NBEAL2: variants seen among roughly 807,000 people sequenced by gnomAD.
NBEAL2 encodes neurobeachin-like protein 2.
NBEAL2 carries 160 observed loss-of-function variants against 299.8 expected under a neutral mutation model. The ratio of observed to expected loss-of-function variants is 0.53; its 90% CI spans 0.47 to 0.61. The LOEUF (loss-of-function observed/expected upper bound fraction) is 0.61. NBEAL2 is among the 20% of genes least tolerant of loss of function. The pLI, the probability that NBEAL2 is intolerant of heterozygous loss-of-function variation, is 0.00. For missense variants in NBEAL2, 3,112 were observed against 3,649.0 expected (o/e 0.85, Z 3.79); for synonymous variants, 1,493 against 1,542.3 (o/e 0.97, Z 0.75).
Position 46,996,715 on chromosome 3 carries a change from C to T in NBEAL2, c.2474-36C>T, listed in dbSNP as rs776995024. The T allele has an allele frequency of 5.6e-6, 9 of 1,600,060 alleles. 1 individual carries two copies. Among genetic ancestry groups the T allele is most frequent in the South Asian group, 2.2e-5 (2 of 89,778 alleles). On this transcript the variant is annotated intron_variant, in intron 16 of 53. Coordinates refer to ENST00000450053, the MANE Select transcript of NBEAL2 (RefSeq NM_015175.3). Reference sequence around the variant, plus strand: ...TCTCTGGATGGGGTTTGGCCAGAGGCCTAGCAAGGTCTGAAGCCCCCTGCC... The same window carrying T: ...TCTCTGGATGGGGTTTGGCCAGAGGTCTAGCAAGGTCTGAAGCCCCCTGCC...
chr3:47,009,365 G>T lies in NBEAL2; in HGVS notation c.*45G>T. 6.5e-7 allele frequency: 1 copy of T among 1,529,770 alleles called. No homozygotes were observed. Among genetic ancestry groups the T allele is most frequent in the South Asian group, 1.2e-5 (1 of 83,308 alleles). 94.8% of individuals were successfully genotyped at this position (1,529,770 alleles called of 1,614,324 possible). A position where few individuals can be genotyped will look rare whatever the true frequency, so the allele number is the denominator to read the frequency against. On this transcript the variant is annotated 3_prime_UTR_variant, in exon 54 of 54. Transcript: ENST00000450053. ...TCGGGCCCCGCCCCCGGCAGGCCTGGCCCGGGAGGCCCCGCCCAGAAGTCG... is the reference window on the plus strand; with the variant it reads ...TCGGGCCCCGCCCCCGGCAGGCCTGTCCCGGGAGGCCCCGCCCAGAAGTCG...
In NBEAL2 at chr3:46,997,995, G is replaced by C. The variant is rs1028913787; in HGVS notation, c.2959-72G>C. 16 of 1,474,740 alleles carry C rather than the reference G, an allele frequency of 1.1e-5. No homozygotes were observed. The Admixed American group carries it at 2.4e-4, about 22-fold the overall frequency. 91.4% of individuals were successfully genotyped at this position (1,474,740 alleles called of 1,614,324 possible). A position where few individuals can be genotyped will look rare whatever the true frequency, so the allele number is the denominator to read the frequency against. On this transcript the variant is annotated intron_variant, in intron 20 of 53. Transcript: ENST00000450053. ...GGCCGTCATGGCTGTGCAGGGAAGA[G>C]TGGCAGCTGAAAAGCTCAGACAGCA...
chr3:47,007,288 C>G lies in NBEAL2; in HGVS notation c.7272C>G (p.Pro2424=). The G allele has an allele frequency of 6.2e-7, 1 of 1,612,592 alleles. No individual in the cohort carries two copies. The highest frequency in any genetic ancestry group is 8.5e-7 in the Non-Finnish European group (1 of 1,179,362). The change falls in exon 47 of 54, where the codon CCC becomes CCG. Residue 2424 remains proline (P), a synonymous_variant. Coordinates refer to ENST00000450053, the MANE Select transcript of NBEAL2 (RefSeq NM_015175.3). ...SGLLGTHSWL[P]YDRNISNYFS... ...TGCTGGGCACCCACAGCTGGTTGCC[C>G]TATGACCGCAACATAAGCAACTACT...
rs781016635 is a variant in NBEAL2, at chr3:47,004,426, G to A, written c.6198+33G>A. 50 of 1,593,044 alleles carry A rather than the reference G, an allele frequency of 3.1e-5. No homozygotes were observed. The highest frequency in any genetic ancestry group is 1.8e-4 in the South Asian group (16 of 88,002). Reference sequence around the variant, plus strand: ...CCCTGGGTGTGAGGGATGTGAAGTCGGGACCCTGAATCACGGGGCAGTGCT... The same window carrying A: ...CCCTGGGTGTGAGGGATGTGAAGTCAGGACCCTGAATCACGGGGCAGTGCT... On this transcript the variant is annotated intron_variant, in intron 37 of 53. Transcript: ENST00000450053. This position sits in a 1 kb window ranked among gnomAD's most constrained non-coding sequence, Gnocchi z 5.0.
chr3:46,995,761 C>G lies in NBEAL2; in HGVS notation c.1946C>G (p.Ala649Gly), dbSNP rs2036449857. Residue 649 changes from alanine to glycine, a missense_variant, in exon 14 of 54, where the codon GCC (alanine) becomes GGC (glycine). By Grantham distance (60) the Ala-to-Gly change is moderately conservative (BLOSUM62 0). This residue lies in a region of NBEAL2 where 2,243 missense variants were observed against 2,538.1 expected (regional missense o/e 0.88). Transcript: ENST00000450053. Reference protein sequence around the residue: ...GSGFEAFFTAAGTLVVAVCTR... With the variant: ...GSGFEAFFTAGGTLVVAVCTR... ...GGGTTTGAGGCCTTCTTCACGGCGG[C>G]CGGGACCCTGGTGGTGGCTGTGTGC... 2 of 1,613,682 alleles carry G rather than the reference C, an allele frequency of 1.2e-6. No individual in the cohort carries two copies. Among genetic ancestry groups the G allele is most frequent in the Non-Finnish European group, 1.7e-6 (2 of 1,179,876 alleles).
intron 41 of NBEAL2, 49 bp from the exon 42 acceptor site, chr3:47,005,689 G>GC: frequency 6.2e-7 from 1 of 1,612,964 alleles, no homozygotes; most frequent in Non-Finnish European, 8.5e-7. Context: ...AGTGGCCAGG[G>GC]GGCAGTCGGG....
In NBEAL2 at chr3:47,002,112, G is replaced by A. The variant is rs780821683; in HGVS notation, c.4975G>A (p.Glu1659Lys). 64 of 1,550,888 alleles carry A rather than the reference G, an allele frequency of 4.1e-5. No individual in the cohort carries two copies. Among genetic ancestry groups the A allele is most frequent in the African/African-American group, 5.5e-5 (4 of 73,074 alleles). Residue 1659 changes from glutamate to lysine, a missense_variant, in exon 31 of 54, where the codon GAG becomes AAG. Physicochemically the swap from Glu to Lys is moderately conservative, Grantham distance 56. This residue lies in a region of NBEAL2 where 2,243 missense variants were observed against 2,538.1 expected (regional missense o/e 0.88). Coordinates refer to ENST00000450053, the MANE Select transcript of NBEAL2 (RefSeq NM_015175.3). ...AGCTGCAGCAGCTGCAGCAGCTGCA[G>A]AGCGCTGCTCCTGGCTGGTGCCACT... ...LAAAAAAAAAERCSWLVPLVR... is the reference protein window; with the variant it reads ...LAAAAAAAAAKRCSWLVPLVR...
rs769842468 is a variant in NBEAL2 at position 46,992,523 on chromosome 3, A to G, written c.1081A>G (p.Thr361Ala). 1.9e-5 allele frequency: 30 copies of G among 1,603,552 alleles called. 1 individual carries two copies. In the South Asian group the frequency reaches 3.1e-4, roughly 17 times the overall value. ...APPEGDSDLA[T>A]RLLTEPDVQK... ...CCCCGAGGGGGACAGTGACCTGGCT[A>G]CCCGGTTACTGACTGAGCCCGATGT... The change falls in exon 10 of 54, where the codon ACC becomes GCC. Residue 361 changes from threonine to alanine, a missense_variant. Physicochemically the swap from Thr to Ala is moderately conservative, Grantham distance 58. Coordinates refer to ENST00000450053, the MANE Select transcript of NBEAL2 (RefSeq NM_015175.3).
At chr3:46,990,780 G>T (rs1045409860) in intron 6 of NBEAL2, among the ~76,000 whole-genome samples, 16 of 152,286 alleles carry the variant, frequency 1.1e-4, no homozygotes, top group African/African-American at 3.9e-4. Context: ...GGGGGAGGTG[G>T]CATCAGTATA....
In NBEAL2 at chr3:47,009,128, AG is replaced by A. The variant is rs753364735; in HGVS notation, c.8163+6del. 5.4e-5 allele frequency: 38 copies of A among 703,004 alleles called. No individual in the cohort carries two copies. In the African/African-American group the frequency reaches 7.8e-4, roughly 14 times the overall value. The allele number at this position is 703,004 out of a possible 1,614,324, so 43.5% of individuals were successfully genotyped here. A position where few individuals can be genotyped will look rare whatever the true frequency, so the allele number is the denominator to read the frequency against. On this transcript the variant is annotated splice_donor_5th_base_variant and intron_variant, in intron 53 of 53. Coordinates refer to ENST00000450053, the MANE Select transcript of NBEAL2 (RefSeq NM_015175.3). ...GGTCGCGGGGCAGCCCTCTGAGGTG[AG>A]GATGGGGCGGGGGTGGGGAGGCCCC...
chr3:46,995,535 G>A lies in NBEAL2; in HGVS notation c.1800G>A (p.Gly600=), dbSNP rs2036425796. 1 of 1,612,832 alleles carries A rather than the reference G, an allele frequency of 6.2e-7. No individual in the cohort carries two copies. The highest frequency in any genetic ancestry group is 1.1e-5 in the South Asian group (1 of 91,090). The change falls in exon 13 of 54, where the codon GGG becomes GGA. Residue 600 remains glycine (G), a synonymous_variant. Coordinates refer to ENST00000450053, the MANE Select transcript of NBEAL2 (RefSeq NM_015175.3). ...IMVPPVQRWP[G]PGFTFHAWLC... ...TACCCCCTGTACAGCGATGGCCAGGGCCTGGCTTCACCTTTCATGCCTGGC... is the reference window on the plus strand; with the variant it reads ...TACCCCCTGTACAGCGATGGCCAGGACCTGGCTTCACCTTTCATGCCTGGC...
At chr3:46,980,952 C>T (rs1003757465) in intron 1 of NBEAL2, among the ~76,000 whole-genome samples, 4 of 152,198 alleles carry the variant, frequency 2.6e-5, no homozygotes, top group East Asian at 1.9e-4. Flanking sequence ...TGCTCAGACA[C>T]GCTGGCCCTC....
rs1393820388 is a variant in NBEAL2 at position 47,000,459 on chromosome 3, G to C, written c.4305+55G>C. ...TGGTACCCAAGGGAGGACACTTCTG[G>C]TACACAGGGCTGGCAGTGTAGCCTC... On this transcript the variant is annotated intron_variant, in intron 27 of 53. Transcript: ENST00000450053. This position sits in a 1 kb window ranked among gnomAD's most constrained non-coding sequence, Gnocchi z 4.5. 3 of 1,531,762 alleles carry C rather than the reference G, an allele frequency of 2.0e-6. No homozygotes were observed. The highest frequency in any genetic ancestry group is 2.0e-5 in the Admixed American group (1 of 49,600). 94.9% of individuals were successfully genotyped at this position (1,531,762 alleles called of 1,614,324 possible). A position where few individuals can be genotyped will look rare whatever the true frequency, so the allele number is the denominator to read the frequency against.
Position 47,007,866 on chromosome 3 carries a change from G to C in NBEAL2, c.7558G>C (p.Gly2520Arg), listed in dbSNP as rs1023789585. The stretch of plus-strand genomic sequence containing the variant: ...CACCTGTGGCATCTACCTCATCTCA[G>C]GCTCCCGGGACACCACGTGCATGGT... ...LDTCGIYLIS[G>R]SRDTTCMVWR... Residue 2520 changes from glycine (G) to arginine (R), a missense_variant, in exon 49 of 54, where the codon GGC (glycine) becomes CGC (arginine). Physicochemically the swap from Gly to Arg is moderately radical, Grantham distance 125 (BLOSUM62 -2). Transcript: ENST00000450053. 4 of 1,613,662 alleles carry C rather than the reference G, an allele frequency of 2.5e-6. No homozygotes were observed. The highest frequency in any genetic ancestry group is 3.4e-6 in the Non-Finnish European group (4 of 1,179,818).
Position 47,008,315 on chromosome 3 carries a change from C to G in NBEAL2, c.7752C>G (p.Arg2584=), listed in dbSNP as rs370823987. 3 of 1,613,136 alleles carry G rather than the reference C, an allele frequency of 1.9e-6. No individual in the cohort carries two copies. Among genetic ancestry groups the G allele is most frequent in the Admixed American group, 1.7e-5 (1 of 59,852 alleles). ...DGTVIIHTVR[R]GQFVAALRPL... ...CTGTGATCATACACACTGTACGCCG[C>G]GGACAGTTTGTAGCGGCACTACGGC... Residue 2584 remains arginine, a synonymous_variant, in exon 51 of 54, where the codon CGC becomes CGG. Coordinates refer to ENST00000450053, the MANE Select transcript of NBEAL2 (RefSeq NM_015175.3).
Position 47,004,079 on chromosome 3 carries a change from A to G in NBEAL2, c.5884A>G (p.Ile1962Val), listed in dbSNP as rs1437097985. The change falls in exon 37 of 54, where the codon ATC becomes GTC. Residue 1962 changes from isoleucine to valine, a missense_variant and splice_region_variant. Coordinates refer to ENST00000450053, the MANE Select transcript of NBEAL2 (RefSeq NM_015175.3). The surrounding 1 kb of genome is among the most constrained non-coding windows in gnomAD (Gnocchi z 5.0). ...STERVETEEG[I>V]GYDFRRPLAQ... ...GTACCTGCTGTTCCTCCCCATAGGC[A>G]TCGGCTATGATTTCCGGCGCCCACT... is the stretch of plus-strand genomic sequence containing the variant. 6.2e-7 allele frequency: 1 copy of G among 1,612,042 alleles called. No individual in the cohort carries two copies. Among genetic ancestry groups the G allele is most frequent in the East Asian group, 2.2e-5 (1 of 44,860 alleles).
Position 47,008,643 on chromosome 3 carries a change from G to A in NBEAL2, c.8002G>A (p.Ala2668Thr), listed in dbSNP as rs2037647071. The A allele has an allele frequency of 6.2e-7, 1 of 1,613,356 alleles. No homozygotes were observed. Among genetic ancestry groups the A allele is most frequent in the Non-Finnish European group, 8.5e-7 (1 of 1,179,880 alleles). The change falls in exon 52 of 54, where the codon GCC becomes ACC. Residue 2668 changes from alanine to threonine, a missense_variant. Ala to Thr is a moderately conservative substitution (Grantham distance 58, BLOSUM62 0). Transcript: ENST00000450053. The part of the protein sequence containing the change: ...DFVLLGTAQC[A>T]LHILQLNTLL... ...TGTGTTGCTGGGCACCGCCCAGTGC[G>A]CCCTGCACATCCTCCAACTAAACAC...
At chr3:46,981,808 C>T (rs2035364223) in intron 1 of NBEAL2, 1 of 152,500 alleles carries the variant, frequency 6.6e-6, no homozygotes. Flanking sequence ...AGGACAGTAA[C>T]TCCAGCATGG....
intron 11 of NBEAL2, among the ~76,000 whole-genome samples, 192 bp downstream of exon 11, chr3:46,994,212 C>A (rs2036307179): frequency 6.6e-6 from 1 of 152,202 alleles, no homozygotes; most frequent in African/African-American, 2.4e-5. Flanking sequence ...GGAGCTGCAT[C>A]TTCTCTGTCA....
Sources: allele counts gnomAD v4.1 joint callset (sites outside exome capture counted in the v4.1 genomes callset), GRCh38; gene constraint gnomAD v4.1.1; regional missense constraint gnomAD v4.1.1; non-coding constraint Gnocchi (gnomAD v3.1); transcripts MANE v1.5; gene names NCBI Gene and HGNC (gene_info 2026-07-23, HGNC 2026-07-21).